KLHDC10: variants seen among roughly 807,000 people sequenced by gnomAD.
The protein encoded by KLHDC10 is kelch domain-containing protein 10.
KLHDC10 carries 24 observed loss-of-function variants against 56.1 expected under a neutral mutation model. That is an observed-to-expected ratio of 0.43 (90% confidence interval 0.31 to 0.60). The LOEUF is 0.60. KLHDC10 is among the 20% of genes least tolerant of loss of function. The pLI is 0.11. For synonymous variants in KLHDC10, 188 were observed against 207.1 expected, an observed-to-expected ratio of 0.91 and a Z score of 0.79; for missense variants, 349 against 567.0, an observed-to-expected ratio of 0.62 and a Z score of 3.91.
rs1796164943 is a variant in KLHDC10, at chr7:130,116,163, C to G, written c.254-282C>G. Among the ~76,000 whole-genome samples the G allele has an allele frequency of 6.6e-6, 1 of 152,064 alleles. No homozygotes were observed. Among genetic ancestry groups the G allele is most frequent in the Non-Finnish European group, 1.5e-5 (1 of 68,006 alleles). On this transcript the variant is annotated intron_variant, in intron 2 of 9. Coordinates refer to ENST00000335420, the MANE Select transcript of KLHDC10 (RefSeq NM_014997.4). This position sits in a 1 kb window ranked among gnomAD's most constrained non-coding sequence, Gnocchi z 4.8. ...TTTCTTGAAAATTTCAAGTTGTCAG[C>G]CATTTTCTTGAATTTGTCATGCTTT...
intron 2 of KLHDC10, among the ~76,000 whole-genome samples, chr7:130,105,910 G>A (rs1796001168): frequency 6.6e-6 from 1 of 152,194 alleles, no homozygotes; most frequent in Admixed American, 6.5e-5. Flanking sequence ...AGCACTTTGG[G>A]AAGCCAAGGT....
intron 2 of KLHDC10, among the ~76,000 whole-genome samples, chr7:130,101,702 G>A (rs983448733): frequency 1.1e-4 from 17 of 152,206 alleles, no homozygotes; most frequent in African/African-American, 3.4e-4. Flanking sequence ...CGGGTGCGGC[G>A]GCTCACACCT....
At chr7:130,123,471 GAAA>G (rs11332293) in intron 5 of KLHDC10, among the ~76,000 whole-genome samples, 3 of 120,324 alleles carry the variant, frequency 2.5e-5, no homozygotes, top group Admixed American at 1.7e-4. Flanking sequence ...CTCCGTCTCA[GAAA>G]AAAAAAAAAA....
At position 130,135,054 on chromosome 7, in the gene KLHDC10, T is replaced by C. The variant is rs1232848868; in HGVS notation, c.*4308T>C. ...GTTCTGAGTTGTGCTACAAAAGTAG[T>C]TCCATCTTTTTGGTGTAATTTTCAT... On this transcript the variant is annotated 3_prime_UTR_variant, in exon 10 of 10. Transcript: ENST00000335420. 1 of 149,330 alleles carries C rather than the reference T, an allele frequency of 6.7e-6. No individual in the cohort carries two copies. Among genetic ancestry groups the C allele is most frequent in the Non-Finnish European group, 1.5e-5 (1 of 67,744 alleles). 9.3% of individuals were successfully genotyped at this position (149,330 alleles called of 1,614,324 possible).
In KLHDC10 at chr7:130,130,432, G is replaced by A; in HGVS notation, c.1120-105G>A. 1 of 862,230 alleles carries A rather than the reference G, an allele frequency of 1.2e-6. No homozygotes were observed. Among genetic ancestry groups the A allele is most frequent in the Admixed American group, 2.0e-5 (1 of 51,172 alleles). The allele number at this position is 862,230 out of a possible 1,614,324, so 53.4% of individuals were successfully genotyped here. A position where few individuals can be genotyped will look rare whatever the true frequency, so the allele number is the denominator to read the frequency against. ...GTATTGGGATCAGTGAGGAATTCTTGTTTCATTTCATTTTGATTCCATCTA... is the reference window on the plus strand; with the variant it reads ...GTATTGGGATCAGTGAGGAATTCTTATTTCATTTCATTTTGATTCCATCTA... On this transcript the variant is annotated intron_variant, in intron 9 of 9. Transcript: ENST00000335420. This position sits in a 1 kb window ranked among gnomAD's most constrained non-coding sequence, Gnocchi z 4.2.
chr7:130,079,954 C>G, intron 1 of KLHDC10, among the ~76,000 whole-genome samples: 1 of 145,622 alleles, frequency 6.9e-6, no homozygotes, highest in East Asian at 2.0e-4. Context: ...CCCTTCCTCC[C>G]TTTCTTCCTC....
At chr7:130,094,473 A>G (rs1283618795) in intron 1 of KLHDC10, among the ~76,000 whole-genome samples, 3 of 152,168 alleles carry the variant, frequency 2.0e-5, no homozygotes, top group African/African-American at 7.2e-5. Context: ...ATGCCTACTC[A>G]GAGAGCTTGG....
chr7:130,115,952 G>A (rs1175108906), intron 2 of KLHDC10, among the ~76,000 whole-genome samples: 1 of 151,944 alleles, frequency 6.6e-6, no homozygotes, highest in African/African-American at 2.4e-5. Context: ...TATATCTTGT[G>A]GAAAAATCAT....
intron 1 of KLHDC10, among the ~76,000 whole-genome samples, chr7:130,090,030 C>T (rs149398847): frequency 0.015 from 2,206 of 152,106 alleles, 49 homozygotes; most frequent in African/African-American, 0.05. Flanking sequence ...TACAGGCATG[C>T]ACCACCACGC....
At chr7:130,129,816 G>T (rs1355375698) in intron 9 of KLHDC10, among the ~76,000 whole-genome samples, 1 of 152,158 alleles carries the variant, frequency 6.6e-6, no homozygotes, top group Non-Finnish European at 1.5e-5. Context: ...TTCCGGCCCT[G>T]ACCGTGATGT....
intron 1 of KLHDC10, among the ~76,000 whole-genome samples, chr7:130,092,234 GT>G (rs1176476447): frequency 1.3e-5 from 2 of 152,158 alleles, no homozygotes; most frequent in African/African-American, 4.8e-5. Flanking sequence ...TTTCAAGATT[GT>G]TTTGATATTC....
rs200788067 is a variant in KLHDC10 at position 130,078,061 on chromosome 7, A to T, written c.166+7252A>T. The stretch of plus-strand genomic sequence containing the variant: ...ATGATAATTTTATCTTCTCCTTTTC[A>T]TTTTTTTTTCTTTTTTTTTAAATAG... On this transcript the variant is annotated intron_variant, in intron 1 of 9. Transcript: ENST00000335420. Among the ~76,000 whole-genome samples, 205 of 149,238 alleles carry T rather than the reference A, an allele frequency of 1.4e-3. 3 individuals carry two copies. In the East Asian group the frequency reaches 0.035, roughly 26 times the overall value.
chr7:130,087,325 A>G (rs908420039), intron 1 of KLHDC10, among the ~76,000 whole-genome samples: 5 of 152,198 alleles, frequency 3.3e-5, no homozygotes, highest in Admixed American at 2.6e-4. Flanking sequence ...ATGCACAGCT[A>G]TGGTTATGTT....
At chr7:130,111,957 A>G (rs1031408105) in intron 2 of KLHDC10, among the ~76,000 whole-genome samples, 1 of 152,218 alleles carries the variant, frequency 6.6e-6, no homozygotes, top group Non-Finnish European at 1.5e-5. Flanking sequence ...CTGGCATAAC[A>G]TTGCTGGGAG....
At chr7:130,088,700 T>C (rs2116858233) in intron 1 of KLHDC10, among the ~76,000 whole-genome samples, 1 of 150,796 alleles carries the variant, frequency 6.6e-6, no homozygotes, top group East Asian at 1.9e-4. Context: ...TGGACTGCAG[T>C]GGCACAATCT....
intron 2 of KLHDC10, among the ~76,000 whole-genome samples, chr7:130,115,375 G>A (rs1041340464): frequency 1.3e-4 from 20 of 151,898 alleles, no homozygotes; most frequent in African/African-American, 4.6e-4. Context: ...AAAGTTTTTT[G>A]TTTTTTGTTT....
At position 130,130,487 on chromosome 7, in the gene KLHDC10, C is replaced by T. The variant is rs1314251084; in HGVS notation, c.1120-50C>T. On this transcript the variant is annotated intron_variant, in intron 9 of 9. Transcript: ENST00000335420. The surrounding 1 kb of genome is among the most constrained non-coding windows in gnomAD (Gnocchi z 4.2). ...GCTTTTTCCCCACTGAGTCTTCAGCCTTGTATGTTTCTCTCCCGTTTGAAT... is the reference window on the plus strand; with the variant it reads ...GCTTTTTCCCCACTGAGTCTTCAGCTTTGTATGTTTCTCTCCCGTTTGAAT... The T allele has an allele frequency of 3.4e-6, 5 of 1,471,610 alleles. No homozygotes were observed. The Admixed American group carries it at 8.4e-5, about 25-fold the overall frequency. The allele number at this position is 1,471,610 out of a possible 1,614,324, so 91.2% of individuals were successfully genotyped here. A position where few individuals can be genotyped will look rare whatever the true frequency, so the allele number is the denominator to read the frequency against.
intron 2 of KLHDC10, among the ~76,000 whole-genome samples, chr7:130,106,901 G>T (rs1386536455): frequency 6.6e-6 from 1 of 152,128 alleles, no homozygotes; most frequent in East Asian, 1.9e-4. Context: ...AACCTGGGAG[G>T]TCAAGGCTGC....
rs1796445617 is a variant in KLHDC10 at position 130,134,767 on chromosome 7, A to G, written c.*4021A>G. ...ATTATTTTTTATTTTTCTGGCATTG[A>G]GCTCTAGGGTGGATGAGGGTTTATG... On this transcript the variant is annotated 3_prime_UTR_variant, in exon 10 of 10. Transcript: ENST00000335420. 1 of 151,950 alleles carries G rather than the reference A, an allele frequency of 6.6e-6. No individual in the cohort carries two copies. 9.4% of individuals were successfully genotyped at this position (151,950 alleles called of 1,614,324 possible).
Sources: allele counts gnomAD v4.1 joint callset (sites outside exome capture counted in the v4.1 genomes callset), GRCh38; gene constraint gnomAD v4.1.1; non-coding constraint Gnocchi (gnomAD v3.1); transcripts MANE v1.5; gene names NCBI Gene and HGNC (gene_info 2026-07-23, HGNC 2026-07-21).